Variants in CCSER1 observed in about 807,000 individuals in gnomAD.
CCSER1 encodes the protein coiled-coil serine rich protein 1, also known as serine-rich coiled-coil domain-containing protein 1.
In CCSER1, 41 loss-of-function variants were observed where a neutral mutation model predicts 82.0. The observed-to-expected ratio is 0.50, with a 90% CI of 0.39 to 0.65. CCSER1 has a LOEUF of 0.65. Ranked by LOEUF, CCSER1 falls within the 30% of genes least tolerant of loss-of-function variation. CCSER1 has a pLI of 0.00. For missense variants in CCSER1, 1,119 were observed against 1,064.2 expected (o/e 1.05, Z -0.72); for synonymous variants, 414 against 383.9 (o/e 1.08, Z -0.92).
intron 7 of CCSER1, among the ~76,000 whole-genome samples, chr4:90,755,663 T>G (rs1404038123): frequency 1.3e-5 from 2 of 152,154 alleles, no homozygotes; most frequent in African/African-American, 2.4e-5. Context: ...AAAACCCAAT[T>G]GAGTTATCAG....
chr4:90,873,096 A>T (rs1250933128), intron 8 of CCSER1, among the ~76,000 whole-genome samples: 2 of 151,862 alleles, frequency 1.3e-5, no homozygotes. Flanking sequence ...ACCTTTTTGT[A>T]CTTGAATATT....
chr4:91,147,404 G>A (rs1315990216), intron 10 of CCSER1, among the ~76,000 whole-genome samples: 2 of 152,188 alleles, frequency 1.3e-5, no homozygotes, highest in African/African-American at 4.8e-5. Context: ...GGTGTTCAGA[G>A]CCATGGGGCT....
chr4:91,466,724 A>T, intron 10 of CCSER1, among the ~76,000 whole-genome samples: 1 of 152,310 alleles, frequency 6.6e-6, no homozygotes, highest in African/African-American at 2.4e-5. Context: ...ACAAACAGAG[A>T]GCCAAATCAT....
chr4:90,595,500 CT>C (rs1385867708), intron 5 of CCSER1, among the ~76,000 whole-genome samples: 1 of 111,244 alleles, frequency 9.0e-6, no homozygotes, highest in Non-Finnish European at 1.6e-5. Flanking sequence ...TGGAAATTAA[CT>C]GGGCTTAGCT....
intron 10 of CCSER1, among the ~76,000 whole-genome samples, chr4:91,173,184 T>C (rs1013369378): frequency 2.6e-5 from 4 of 152,206 alleles, no homozygotes; most frequent in African/African-American, 7.2e-5. Flanking sequence ...AGATGAAGAT[T>C]TTGATTAATT....
chr4:90,197,757 G>A (rs943453585), intron 1 of CCSER1, among the ~76,000 whole-genome samples: 1 of 151,740 alleles, frequency 6.6e-6, no homozygotes, highest in African/African-American at 2.4e-5. Context: ...GAGATAGAGA[G>A]TAGAAGGATG....
At chr4:90,286,331 T>C (rs2153463227) in intron 1 of CCSER1, among the ~76,000 whole-genome samples, 1 of 152,154 alleles carries the variant, frequency 6.6e-6, no homozygotes, top group East Asian at 1.9e-4. Context: ...TGTATACATT[T>C]TAGAAATATT....
At chr4:91,438,263 C>T (rs563074600) in intron 10 of CCSER1, among the ~76,000 whole-genome samples, 34 of 152,212 alleles carry the variant, frequency 2.2e-4, no homozygotes, top group Non-Finnish European at 2.9e-4. Flanking sequence ...CTCACACGGC[C>T]GGGTACTCTT....
At position 91,277,830 on chromosome 4, in the gene CCSER1, G is replaced by T. The variant is rs539991932; in HGVS notation, c.2217+191836G>T. On this transcript the variant is annotated intron_variant, in intron 10 of 10. Transcript: ENST00000509176. The stretch of plus-strand genomic sequence containing the variant: ...TCTAGGGTTTTGTTGTTACAAACTT[G>T]CATTTTAACATTGCTTTTGCTGTAT... Among the ~76,000 whole-genome samples, 12 of 151,650 alleles carry T rather than the reference G, an allele frequency of 7.9e-5. No homozygotes were observed. In the South Asian group the frequency reaches 2.3e-3, roughly 29 times the overall value.
chr4:90,595,808 A>G (rs919209623), intron 5 of CCSER1, among the ~76,000 whole-genome samples: 40 of 151,998 alleles, frequency 2.6e-4, no homozygotes, highest in African/African-American at 9.2e-4. Flanking sequence ...AAATAAAATA[A>G]TAAAGAATAG....
At position 90,675,388 on chromosome 4, in the gene CCSER1, T is replaced by TAATACA. The variant is rs1218792051; in HGVS notation, c.1932+47156_1932+47157insAATACA. Among the ~76,000 whole-genome samples, 1,191 of 152,092 alleles carry TAATACA rather than the reference T, an allele frequency of 7.8e-3. 7 individuals carry two copies. Among genetic ancestry groups the TAATACA allele is most frequent in the Non-Finnish European group, 0.012 (844 of 67,906 alleles). On this transcript the variant is annotated intron_variant, in intron 6 of 10. Transcript: ENST00000509176. ...GAAAAAAATATTCTATATTACTATATGTCTAGTAAATGTGTATTGTACAGC... is the reference window on the plus strand; with the variant it reads ...GAAAAAAATATTCTATATTACTATATAATACAGTCTAGTAAATGTGTATTGTACAGC...
chr4:90,197,857 A>T (rs550593341), intron 1 of CCSER1, among the ~76,000 whole-genome samples: 6 of 152,196 alleles, frequency 3.9e-5, no homozygotes, highest in Admixed American at 1.3e-4. Context: ...ACTAAGCCAT[A>T]CTATTGACTA....
chr4:91,286,582 T>A (rs944923102), intron 10 of CCSER1, among the ~76,000 whole-genome samples: 1 of 151,802 alleles, frequency 6.6e-6, no homozygotes, highest in African/African-American at 2.4e-5. Flanking sequence ...GTGATATGAA[T>A]GGAGATCTTT....
chr4:90,204,670 A>G (rs562143467), intron 1 of CCSER1, among the ~76,000 whole-genome samples: 21 of 152,300 alleles, frequency 1.4e-4, no homozygotes, highest in African/African-American at 4.6e-4. Flanking sequence ...TGTCTTGGCT[A>G]TGTGGGCTCT....
At chr4:90,487,929 C>A (rs1002389930) in intron 5 of CCSER1, among the ~76,000 whole-genome samples, 1 of 152,012 alleles carries the variant, frequency 6.6e-6, no homozygotes, top group Admixed American at 6.6e-5. Flanking sequence ...CATGAGCCAC[C>A]GCACCTGGCT....
At chr4:91,319,681 A>C (rs1267206884) in intron 10 of CCSER1, 2 of 455,696 alleles carry the variant, frequency 4.4e-6, no homozygotes, top group Non-Finnish European at 8.8e-6. Context: ...TCCCTTCTCC[A>C]CTTAGTCTTC....
chr4:90,497,129 A>C (rs1769161275), intron 5 of CCSER1, among the ~76,000 whole-genome samples: 1 of 152,168 alleles, frequency 6.6e-6, no homozygotes, highest in Non-Finnish European at 1.5e-5. Flanking sequence ...TAACATTACA[A>C]AGTTATATTT....
chr4:90,468,105 A>G, intron 4 of CCSER1, 129 bp from the exon 5 acceptor site: 1 of 817,650 alleles, frequency 1.2e-6, no homozygotes, highest in East Asian at 3.0e-5. Context: ...ATTTAAGGAT[A>G]ATTTAATAAT....
chr4:90,492,264 G>C (rs1317701117), intron 5 of CCSER1, among the ~76,000 whole-genome samples: 1 of 152,070 alleles, frequency 6.6e-6, no homozygotes, highest in Admixed American at 6.6e-5. Context: ...ATGTGTCCAG[G>C]AATTTATCCA....
Sources: gnomAD v4.1 joint callset for allele counts (sites outside exome capture counted in the v4.1 genomes callset) on GRCh38, gnomAD v4.1.1 for gene constraint, MANE v1.5 for transcripts, NCBI Gene and HGNC (gene_info 2026-07-23, HGNC 2026-07-21) for gene names.